The following KIDINS220 variants were observed in gnomAD, a reference collection of about 807,000 sequenced individuals.
KIDINS220 encodes kinase D-interacting substrate of 220 kDa.
A neutral mutation model predicts 157.6 loss-of-function variants in KIDINS220; 63 were observed. The ratio of observed to expected loss-of-function variants is 0.40; its 90% CI spans 0.33 to 0.49. KIDINS220 has a LOEUF of 0.49. Ranked by LOEUF, KIDINS220 falls within the 20% of genes least tolerant of loss-of-function variation. The pLI, the probability that KIDINS220 is intolerant of heterozygous loss-of-function variation, is 0.66. For missense variants in KIDINS220, 1,772 were observed against 2,171.2 expected, an observed-to-expected ratio of 0.82 and a Z score of 3.65; for synonymous variants, 732 against 783.6, an observed-to-expected ratio of 0.93 and a Z score of 1.10.
intron 6 of KIDINS220, among the ~76,000 whole-genome samples, chr2:8,809,192 T>C (rs909413748): frequency 6.6e-6 from 1 of 152,136 alleles, no homozygotes; most frequent in Non-Finnish European, 1.5e-5. Flanking sequence ...AGCTAATTTT[T>C]GTATTTTTAG....
rs1666865627 is a variant in KIDINS220 at position 8,748,436 on chromosome 2, GA to G, written c.3415-437del. 2.0e-5 allele frequency among the ~76,000 whole-genome samples: 3 copies of G among 152,260 alleles called. No homozygotes were observed. The South Asian group carries it at 6.2e-4, about 32-fold the overall frequency. On this transcript the variant is annotated intron_variant, in intron 24 of 29. Transcript: ENST00000256707. Reference sequence around the variant, plus strand: ...TAAGACCAAAAAGTCTGGAATATATGAAAACACCCTGGCACAAATTCCAAGA... The same window carrying G: ...TAAGACCAAAAAGTCTGGAATATATGAAACACCCTGGCACAAATTCCAAGA...
intron 26 of KIDINS220, among the ~76,000 whole-genome samples, chr2:8,740,589 C>T (rs1036465066): frequency 6.6e-6 from 1 of 152,210 alleles, no homozygotes. Flanking sequence ...TAGACTATCA[C>T]ATGATCATAA....
chr2:8,731,215 G>A lies in KIDINS220; in HGVS notation c.4821C>T (p.Ser1607=), dbSNP rs902360620. ...CTATGAGATTTGCCTTTTCAAGCTG[G>A]GAGTCATCCGCCACTTCATTGTGCA... ...HSLHNEVADD[S]QLEKANLIEL... Residue 1607 remains serine (S), a synonymous_variant, in exon 30 of 30, where the codon TCC becomes TCT. Coordinates refer to ENST00000256707, the MANE Select transcript of KIDINS220 (RefSeq NM_020738.4). This position sits in a 1 kb window ranked among gnomAD's most constrained non-coding sequence, Gnocchi z 5.2. 1.2e-6 allele frequency: 2 copies of A among 1,613,998 alleles called. No individual in the cohort carries two copies. Among genetic ancestry groups the A allele is most frequent in the South Asian group, 1.1e-5 (1 of 91,090 alleles).
At position 8,731,622 on chromosome 2, in the gene KIDINS220, G is replaced by A; in HGVS notation, c.4414C>T (p.Pro1472Ser). 6.2e-7 allele frequency: 1 copy of A among 1,614,142 alleles called. No homozygotes were observed. Among genetic ancestry groups the A allele is most frequent in the South Asian group, 1.1e-5 (1 of 91,078 alleles). ...TCTTCTTCAGTGATAGGATCCAGGG[G>A]GGAAGCATCGTTGGTGGAAACCCCT... ...SSGVSTNDASPLDPITEEDEK... is the reference protein window; with the variant it reads ...SSGVSTNDASSLDPITEEDEK... Residue 1472 changes from proline (P) to serine (S), a missense_variant, in exon 30 of 30, where the codon CCC becomes TCC. Pro to Ser is a moderately conservative substitution (Grantham distance 74). Coordinates refer to ENST00000256707, the MANE Select transcript of KIDINS220 (RefSeq NM_020738.4). The surrounding 1 kb of genome is among the most constrained non-coding windows in gnomAD (Gnocchi z 5.2).
At chr2:8,773,828 C>G (rs767425728) in intron 21 of KIDINS220, among the ~76,000 whole-genome samples, 1 of 152,126 alleles carries the variant, frequency 6.6e-6, no homozygotes, top group South Asian at 2.1e-4. Flanking sequence ...CAAAGTGCAA[C>G]CACACTGGCC....
intron 26 of KIDINS220, among the ~76,000 whole-genome samples, chr2:8,745,484 C>T (rs1666415764): frequency 6.6e-6 from 1 of 152,264 alleles, no homozygotes; most frequent in East Asian, 1.9e-4. Context: ...TTAACATTAA[C>T]TCAAAGGAAA....
At chr2:8,819,244 G>A in intron 2 of KIDINS220, among the ~76,000 whole-genome samples, 1 of 152,150 alleles carries the variant, frequency 6.6e-6, no homozygotes, top group East Asian at 1.9e-4. Context: ...AAAACAACCA[G>A]GTGCTATGTA....
intron 4 of KIDINS220, among the ~76,000 whole-genome samples, chr2:8,816,700 C>T (rs970608736): frequency 3.9e-5 from 6 of 152,226 alleles, no homozygotes; most frequent in African/African-American, 1.4e-4. Flanking sequence ...TCTCGGCTGT[C>T]ATATCCGTCT....
At chr2:8,799,777 T>C (rs978913529) in intron 9 of KIDINS220, among the ~76,000 whole-genome samples, 9 of 152,234 alleles carry the variant, frequency 5.9e-5, no homozygotes, top group Admixed American at 3.9e-4. Context: ...AGCAGAAATG[T>C]AGACTGTCCA....
intron 24 of KIDINS220, chr2:8,749,542 T>G: frequency 2.8e-6 from 1 of 358,798 alleles, no homozygotes; most frequent in East Asian, 9.0e-5. Context: ...TCTGGGAAAT[T>G]ATCCTATTTA....
Position 8,800,503 on chromosome 2 carries a change from GA to G in KIDINS220, c.802-6del. On this transcript the variant is annotated splice_region_variant and splice_polypyrimidine_tract_variant and intron_variant, in intron 8 of 29. Coordinates refer to ENST00000256707, the MANE Select transcript of KIDINS220 (RefSeq NM_020738.4). ...AATCAACACAGTATCCCCACTCTAA[GA>G]AGACAGAAAATAAAAACAAAAACAA... 6.3e-7 allele frequency: 1 copy of G among 1,589,578 alleles called. No homozygotes were observed. The highest frequency in any genetic ancestry group is 2.2e-5 in the East Asian group (1 of 44,526).
Position 8,749,620 on chromosome 2 carries a change from C to T in KIDINS220, c.3414+492G>A, listed in dbSNP as rs544365320. On this transcript the variant is annotated intron_variant, in intron 24 of 29. Coordinates refer to ENST00000256707, the MANE Select transcript of KIDINS220 (RefSeq NM_020738.4). ...AAGACTCTAAAAATGGGCTACAGTG[C>T]TATTATTTGGAAAAACATCTGAGTT... Among the ~76,000 whole-genome samples, 25 of 152,206 alleles carry T rather than the reference C, an allele frequency of 1.6e-4. No individual in the cohort carries two copies. In the South Asian group the frequency reaches 5.0e-3, roughly 30 times the overall value.
intron 21 of KIDINS220, among the ~76,000 whole-genome samples, chr2:8,772,711 T>C (rs532510068): frequency 1.2e-4 from 19 of 152,336 alleles, no homozygotes; most frequent in African/African-American, 4.3e-4. Flanking sequence ...ATAAAGTACA[T>C]TTGATACAGC....
downstream of KIDINS220, chr2:8,723,334 G>A (rs190818920): frequency 1.2e-4 from 18 of 152,310 alleles, no homozygotes; most frequent in African/African-American, 4.3e-4. Flanking sequence ...AGAGGGCCCT[G>A]AAACCTTGGA....
intron 9 of KIDINS220, among the ~76,000 whole-genome samples, chr2:8,799,785 C>T (rs76967478): frequency 2.4e-3 from 373 of 152,254 alleles, no homozygotes; most frequent in African/African-American, 8.7e-3. Flanking sequence ...TGTAGACTGT[C>T]CAACAACAAA....
intron 17 of KIDINS220, among the ~76,000 whole-genome samples, chr2:8,780,291 T>TA (rs1371639616): frequency 1.3e-5 from 2 of 151,840 alleles, no homozygotes; most frequent in African/African-American, 4.8e-5. Flanking sequence ...GGAACTTATA[T>TA]TATTAGACAG....
Position 8,776,796 on chromosome 2 carries a change from T to C in KIDINS220, c.2800A>G (p.Ile934Val). The change falls in exon 21 of 30, where the codon ATC (isoleucine) becomes GTC (valine). Residue 934 changes from isoleucine to valine, a missense_variant. This residue lies in a region of KIDINS220 where 725 missense variants were observed against 1,017.1 expected (regional missense o/e 0.71). Transcript: ENST00000256707. ...AATCTTCTCATGGTCTGGGGACTGA[T>C]GTCACTGAACCAGTCCTCGGTAACC... is the stretch of plus-strand genomic sequence containing the variant. ...LLVTEDWFSD[I>V]SPQTMRRLLN... 6.2e-7 allele frequency: 1 copy of C among 1,614,106 alleles called. No homozygotes were observed. The highest frequency in any genetic ancestry group is 2.2e-5 in the East Asian group (1 of 44,884).
At chr2:8,756,419 TTTTA>T (rs1243570253) in intron 22 of KIDINS220, among the ~76,000 whole-genome samples, 1 of 152,210 alleles carries the variant, frequency 6.6e-6, no homozygotes, top group Non-Finnish European at 1.5e-5. Flanking sequence ...ATCTGGATTC[TTTTA>T]TTTATTTTGC....
intron 26 of KIDINS220, among the ~76,000 whole-genome samples, chr2:8,740,512 T>C (rs1322835012): frequency 6.6e-6 from 1 of 152,240 alleles, no homozygotes; most frequent in African/African-American, 2.4e-5. Flanking sequence ...CTATGAAAAG[T>C]CAATATTCGT....
Sources: gnomAD v4.1 joint callset for allele counts (sites outside exome capture counted in the v4.1 genomes callset) on GRCh38, gnomAD v4.1.1 for gene constraint, gnomAD v4.1.1 regional missense constraint, Gnocchi (gnomAD v3.1) non-coding constraint, MANE v1.5 for transcripts, NCBI Gene and HGNC (gene_info 2026-07-23, HGNC 2026-07-21) for gene names.